FRMD8: variants seen among roughly 807,000 people sequenced by gnomAD.
FRMD8 encodes FERM domain containing 8.
In FRMD8, 37 loss-of-function variants were observed where a neutral mutation model predicts 54.2. The ratio of observed to expected loss-of-function variants is 0.68; its 90% CI spans 0.53 to 0.90. The LOEUF is 0.90. Among genes scored for constraint, FRMD8 ranks in the 40% least tolerant of loss-of-function variants. The probability of loss-of-function intolerance (pLI) is 0.00; values close to 1 mark genes in which losing one functional copy is unlikely to be tolerated. For missense variants in FRMD8, 585 were observed against 653.7 expected, an observed-to-expected ratio of 0.89 and a Z score of 1.15; for synonymous variants, 246 against 286.9, an observed-to-expected ratio of 0.86 and a Z score of 1.44.
At chr11:65,368,500 T>C in the FRMD8 span, among the ~76,000 whole-genome samples, 1 of 150,372 alleles carries the variant, frequency 6.7e-6, no homozygotes, top group Non-Finnish European at 1.5e-5. Flanking sequence ...TGTGAGCCAT[T>C]GCACCCAGCC....
At chr11:65,398,358 C>T (rs1414217836) in intron 7 of FRMD8, among the ~76,000 whole-genome samples, 2 of 152,232 alleles carry the variant, frequency 1.3e-5, no homozygotes, top group Non-Finnish European at 2.9e-5. Context: ...CTGGCGACTT[C>T]GAGTGGGCAT....
chr11:65,409,560 C>A (rs1034310427), intron 10 of FRMD8, among the ~76,000 whole-genome samples: 1 of 151,932 alleles, frequency 6.6e-6, no homozygotes, highest in Non-Finnish European at 1.5e-5. Context: ...TTGCTTGAGT[C>A]CAGGAGTCCA....
intron 4 of FRMD8, 123 bp downstream of exon 4, chr11:65,393,797 C>A (rs886685722): frequency 1.2e-6 from 1 of 860,672 alleles, no homozygotes; most frequent in Non-Finnish European, 1.8e-6. Flanking sequence ...GCCTGCATCT[C>A]CCCCAGGCTC....
At chr11:65,396,022 G>A (rs1377907549) in intron 6 of FRMD8, among the ~76,000 whole-genome samples, 2 of 152,238 alleles carry the variant, frequency 1.3e-5, no homozygotes, top group Non-Finnish European at 2.9e-5. Context: ...GCAGGTGGGG[G>A]TCAGGGACCT....
chr11:65,396,314 T>C (rs1201119271), intron 6 of FRMD8, among the ~76,000 whole-genome samples: 1 of 152,076 alleles, frequency 6.6e-6, no homozygotes, highest in African/African-American at 2.4e-5. Context: ...TGTTCCTGGA[T>C]GGAGATGCAG....
At chr11:65,389,094 C>T (rs1446555125) in intron 2 of FRMD8, among the ~76,000 whole-genome samples, 1 of 151,810 alleles carries the variant, frequency 6.6e-6, no homozygotes, top group Non-Finnish European at 1.5e-5. Flanking sequence ...TGCGGTGGGG[C>T]TGGTCTCTGG....
At chr11:65,392,944 A>G (rs968782008) in intron 3 of FRMD8, among the ~76,000 whole-genome samples, 5 of 152,222 alleles carry the variant, frequency 3.3e-5, no homozygotes, top group Non-Finnish European at 5.9e-5. Context: ...CCCTGGCACA[A>G]GCAAGCTGGG....
At chr11:65,407,846 T>C (rs1478613173) in intron 10 of FRMD8, among the ~76,000 whole-genome samples, 1 of 144,234 alleles carries the variant, frequency 6.9e-6, no homozygotes, top group Admixed American at 7.2e-5. Context: ...ATCGCGCCAC[T>C]GCACTCCAGC....
chr11:65,399,150 A>G (rs1190602836), intron 7 of FRMD8, among the ~76,000 whole-genome samples: 1 of 151,956 alleles, frequency 6.6e-6, no homozygotes, highest in East Asian at 1.9e-4. Context: ...GGTGCCCACC[A>G]CCATGCCCGG....
At chr11:65,391,101 G>A (rs1403700101) in intron 3 of FRMD8, among the ~76,000 whole-genome samples, 1 of 152,276 alleles carries the variant, frequency 6.6e-6, no homozygotes, top group East Asian at 1.9e-4. Context: ...AGGGCAGGGA[G>A]GGGCGCTGTC....
chr11:65,389,218 G>T, intron 2 of FRMD8, 143 bp from the exon 3 acceptor site: 1 of 746,006 alleles, frequency 1.3e-6, no homozygotes, highest in Non-Finnish European at 2.2e-6. Context: ...CGAGGACTCT[G>T]TCTCAGGAGC....
the FRMD8 span, among the ~76,000 whole-genome samples, chr11:65,372,889 T>C: frequency 6.6e-6 from 1 of 152,194 alleles, no homozygotes; most frequent in Non-Finnish European, 1.5e-5. Flanking sequence ...ATCGCTGCAA[T>C]GTCCAGCCTG....
chr11:65,395,488 G>A (rs1398759273), intron 6 of FRMD8, among the ~76,000 whole-genome samples: 5 of 152,192 alleles, frequency 3.3e-5, no homozygotes, highest in Admixed American at 3.3e-4. Context: ...GCAGTGAGCC[G>A]AGATCAAGCC....
At chr11:65,393,781 G>C in intron 4 of FRMD8, 107 bp downstream of exon 4, 1 of 978,482 alleles carries the variant, frequency 1.0e-6, no homozygotes, top group Non-Finnish European at 1.6e-6. Flanking sequence ...CTGGCTGAGG[G>C]GCAGGGCCTG....
chr11:65,399,596 C>T, intron 7 of FRMD8, 140 bp from the exon 8 acceptor site: 1 of 1,004,576 alleles, frequency 1.0e-6, no homozygotes, highest in Non-Finnish European at 1.4e-6. Flanking sequence ...CCCTTCATCC[C>T]ACCTCTGTTT....
At chr11:65,390,557 A>AC (rs1855823539) in intron 3 of FRMD8, among the ~76,000 whole-genome samples, 1 of 130,658 alleles carries the variant, frequency 7.7e-6, no homozygotes, top group African/African-American at 2.9e-5. Context: ...CCTTCTCTCC[A>AC]CCCCCTCCCC....
intron 3 of FRMD8, among the ~76,000 whole-genome samples, chr11:65,392,017 A>G (rs1855856173): frequency 6.6e-6 from 1 of 152,218 alleles, no homozygotes; most frequent in South Asian, 2.1e-4. Context: ...TGAGGGGCTC[A>G]GTGGCCAAGT....
At chr11:65,392,340 G>A (rs535941541) in intron 3 of FRMD8, among the ~76,000 whole-genome samples, 1 of 152,336 alleles carries the variant, frequency 6.6e-6, no homozygotes, top group African/African-American at 2.4e-5. Flanking sequence ...GCCAGCAGGA[G>A]GGGCGATTGG....
intron 9 of FRMD8, among the ~76,000 whole-genome samples, chr11:65,403,245 C>G (rs572467668): frequency 4.6e-5 from 7 of 152,014 alleles, no homozygotes; most frequent in Non-Finnish European, 8.8e-5. Context: ...TGCAATGGCG[C>G]GATTTCAGCT....
Sources: gnomAD v4.1 joint callset for allele counts (sites outside exome capture counted in the v4.1 genomes callset) on GRCh38, gnomAD v4.1.1 for gene constraint, MANE v1.5 for transcripts, NCBI Gene and HGNC (gene_info 2026-07-23, HGNC 2026-07-21) for gene names.